The following CAST variants were observed in gnomAD, a reference collection of about 807,000 sequenced individuals.
The protein encoded by CAST is calpastatin.
CAST carries 76 observed loss-of-function variants against 119.6 expected under a neutral mutation model. That is an observed-to-expected ratio of 0.64 (90% CI 0.53 to 0.77). CAST has a LOEUF of 0.77. Among genes scored for constraint, CAST ranks in the 30% least tolerant of loss-of-function variants. The probability of loss-of-function intolerance (pLI) is 0.00; values close to 1 mark genes in which losing one functional copy is unlikely to be tolerated. For missense variants in CAST, 953 were observed against 946.5 expected (o/e 1.01, Z -0.09); for synonymous variants, 319 against 331.6 (o/e 0.96, Z 0.41).
At chr5:96,116,944 T>C in the CAST span, among the ~76,000 whole-genome samples, 2 of 152,202 alleles carry the variant, frequency 1.3e-5, no homozygotes, top group African/African-American at 2.4e-5. Flanking sequence ...GCTCATTCCT[T>C]CTTGACTACT....
At chr5:96,700,285 C>A (rs1279130596) in intron 3 of CAST, among the ~76,000 whole-genome samples, 1 of 152,156 alleles carries the variant, frequency 6.6e-6, no homozygotes, top group Non-Finnish European at 1.5e-5. Flanking sequence ...AACTCCTAAT[C>A]CCATGGCTAT....
intron 1 of CAST, among the ~76,000 whole-genome samples, chr5:96,598,224 A>G (rs1037415096): frequency 1.3e-5 from 2 of 152,210 alleles, no homozygotes; most frequent in African/African-American, 2.4e-5. Context: ...ACAGGAAAAC[A>G]TGTTCTGTCT....
the CAST span, among the ~76,000 whole-genome samples, chr5:96,427,449 C>T: frequency 1.3e-5 from 2 of 152,190 alleles, no homozygotes; most frequent in East Asian, 3.8e-4. Context: ...TGAAGATCAT[C>T]TAATTCAACC....
At chr5:96,394,975 C>T in the CAST span, 1 of 1,613,964 alleles carries the variant, frequency 6.2e-7, no homozygotes, top group African/African-American at 1.3e-5. Context: ...AGGTCCCGTG[C>T]AAAATCAGCT....
chr5:96,364,314 C>G, the CAST span, among the ~76,000 whole-genome samples: 49 of 152,242 alleles, frequency 3.2e-4, no homozygotes, highest in Non-Finnish European at 6.2e-4. Flanking sequence ...GTGTCTCTGC[C>G]AGGCTTTGGT....
chr5:96,255,864 C>T, the CAST span, among the ~76,000 whole-genome samples: 1 of 152,080 alleles, frequency 6.6e-6, no homozygotes, highest in Non-Finnish European at 1.5e-5. Flanking sequence ...ATTCAGGTTA[C>T]TTTAGGGTTC....
the CAST span, among the ~76,000 whole-genome samples, chr5:96,358,870 A>C: frequency 6.6e-6 from 1 of 152,162 alleles, no homozygotes; most frequent in African/African-American, 2.4e-5. Flanking sequence ...AGATGAGTTC[A>C]AGTCCTGAAC....
the CAST span, among the ~76,000 whole-genome samples, chr5:96,249,487 A>G: frequency 2.6e-5 from 4 of 152,240 alleles, no homozygotes; most frequent in Non-Finnish European, 5.9e-5. Flanking sequence ...TAAAGCATGT[A>G]GCTCAGTGCC....
At chr5:96,643,857 G>A (rs1295633037) in intron 1 of CAST, among the ~76,000 whole-genome samples, 4 of 151,904 alleles carry the variant, frequency 2.6e-5, no homozygotes, top group African/African-American at 9.7e-5. Flanking sequence ...TGGCAACTGA[G>A]CGAGACTTCA....
At chr5:96,632,907 T>C (rs1747840275) in intron 1 of CAST, among the ~76,000 whole-genome samples, 1 of 152,220 alleles carries the variant, frequency 6.6e-6, no homozygotes, top group African/African-American at 2.4e-5. Flanking sequence ...TTTGTGTCCC[T>C]TGCCGTTGGA....
chr5:96,550,467 C>A (rs1270763560), intron 1 of CAST, among the ~76,000 whole-genome samples: 2 of 152,192 alleles, frequency 1.3e-5, no homozygotes, highest in African/African-American at 2.4e-5. Flanking sequence ...GAAACCAGAG[C>A]AGAAAGTCTA....
chr5:96,433,071 G>C, the CAST span: 1 of 1,607,224 alleles, frequency 6.2e-7, no homozygotes, highest in Non-Finnish European at 8.5e-7. Context: ...AACAAGAGTG[G>C]GAAGGGAAGA....
At chr5:96,521,658 T>A (rs1354572571), upstream of CAST, among the ~76,000 whole-genome samples, 1 of 152,202 alleles carries the variant, frequency 6.6e-6, no homozygotes, top group Non-Finnish European at 1.5e-5. Flanking sequence ...CTCTCCTCAC[T>A]CAATAGACCT....
chr5:96,398,705 G>C, the CAST span, among the ~76,000 whole-genome samples: 1 of 151,890 alleles, frequency 6.6e-6, no homozygotes, highest in East Asian at 1.9e-4. Flanking sequence ...AGTGGAAATG[G>C]GCAGGGCAGA....
chr5:96,001,982 C>T, the CAST span, among the ~76,000 whole-genome samples: 2 of 152,200 alleles, frequency 1.3e-5, no homozygotes, highest in African/African-American at 4.8e-5. Flanking sequence ...TTTCCCTCTG[C>T]ATACATAGGC....
chr5:96,689,515 C>T (rs184740131), intron 2 of CAST, among the ~76,000 whole-genome samples: 141 of 152,162 alleles, frequency 9.3e-4, no homozygotes, highest in African/African-American at 3.2e-3. Context: ...AGTAGAGCAC[C>T]AGAGATCATT....
At chr5:96,081,663 C>T in the CAST span, among the ~76,000 whole-genome samples, 1 of 152,120 alleles carries the variant, frequency 6.6e-6, no homozygotes, top group Non-Finnish European at 1.5e-5. Context: ...CAGATGCTCA[C>T]CCACTCCCAG....
At chr5:96,284,521 C>T in the CAST span, among the ~76,000 whole-genome samples, 2 of 152,184 alleles carry the variant, frequency 1.3e-5, no homozygotes, top group Admixed American at 6.5e-5. Context: ...CTAAGTCTCT[C>T]TAGCCAGGAC....
the CAST span, among the ~76,000 whole-genome samples, chr5:96,450,867 A>G: frequency 4.7e-3 from 721 of 152,276 alleles, 8 homozygotes; most frequent in African/African-American, 0.016. Context: ...GGTATCTTTC[A>G]ATCTGGAAGC....
Sources: gnomAD v4.1 joint callset for allele counts (sites outside exome capture counted in the v4.1 genomes callset) on GRCh38, gnomAD v4.1.1 for gene constraint, MANE v1.5 for transcripts, NCBI Gene and HGNC (gene_info 2026-07-23, HGNC 2026-07-21) for gene names.